Variants in SKP2 observed in about 807,000 individuals in gnomAD.
SKP2 encodes the protein S-phase kinase associated protein 2.
SKP2 carries 16 observed loss-of-function variants against 51.8 expected under a neutral mutation model. The observed-to-expected ratio is 0.31, with a 90% CI of 0.21 to 0.47. The LOEUF (loss-of-function observed/expected upper bound fraction) is 0.47. SKP2 is among the 20% of genes least tolerant of loss of function. The pLI is 1.00. For synonymous variants in SKP2, 176 were observed against 198.6 expected (o/e 0.89, Z 0.96); for missense variants, 377 against 505.3 (o/e 0.75, Z 2.43).
At chr5:36,180,576 T>C (rs1314797509) in intron 9 of SKP2, among the ~76,000 whole-genome samples, 2 of 151,952 alleles carry the variant, frequency 1.3e-5, no homozygotes, top group Non-Finnish European at 2.9e-5. Flanking sequence ...TTTAGGGGAG[T>C]AGTGGGAAGA....
chr5:36,190,268 A>T (rs893173041), intron 6 of SKP2, among the ~76,000 whole-genome samples: 1 of 151,876 alleles, frequency 6.6e-6, no homozygotes, highest in African/African-American at 2.4e-5. Flanking sequence ...CGAACCCGGT[A>T]CCCCAGTTGG....
At chr5:36,161,352 G>A (rs138091221) in intron 2 of SKP2, among the ~76,000 whole-genome samples, 1 of 151,252 alleles carries the variant, frequency 6.6e-6, no homozygotes, top group East Asian at 1.9e-4. Context: ...AGAGAGATGA[G>A]TAAGTAAATA....
chr5:36,182,406 CTT>C lies in SKP2; in HGVS notation c.*378_*379del. Reference sequence around the variant, plus strand: ...CAAACAATCTTCATAGCCCATATAACTTTTATCTATTTAATTTTATAGTATTG... The same window carrying C: ...CAAACAATCTTCATAGCCCATATAACTTATCTATTTAATTTTATAGTATTG... On this transcript the variant is annotated 3_prime_UTR_variant, in exon 10 of 10. Coordinates refer to ENST00000274255, the MANE Select transcript of SKP2 (RefSeq NM_005983.4). The C allele has an allele frequency of 9.9e-7, 1 of 1,009,540 alleles. No individual in the cohort carries two copies. Among genetic ancestry groups the C allele is most frequent in the Non-Finnish European group, 1.2e-6 (1 of 843,716 alleles). 62.5% of individuals were successfully genotyped at this position (1,009,540 alleles called of 1,614,324 possible). A position where few individuals can be genotyped will look rare whatever the true frequency, so the allele number is the denominator to read the frequency against.
Position 36,152,965 on chromosome 5 carries a change from A to G in SKP2, c.203A>G (p.Lys68Arg), listed in dbSNP as rs754343409. The G allele has an allele frequency of 1.2e-6, 2 of 1,614,148 alleles. No individual in the cohort carries two copies. The highest frequency in any genetic ancestry group is 1.3e-5 in the African/African-American group (1 of 75,042). ...GGCCACCCGGAGAGCCCCCCACGGAAACGGCTGAAGAGCAAAGGGAGTGAC... is the reference window on the plus strand; with the variant it reads ...GGCCACCCGGAGAGCCCCCCACGGAGACGGCTGAAGAGCAAAGGGAGTGAC... ...NLGHPESPPR[K>R]RLKSKGSDKD... The change falls in exon 2 of 10, where the codon AAA (lysine) becomes AGA (arginine). Residue 68 changes from lysine (K) to arginine (R), a missense_variant. Physicochemically the swap from Lys to Arg is conservative, Grantham distance 26. Coordinates refer to ENST00000274255, the MANE Select transcript of SKP2 (RefSeq NM_005983.4).
Position 36,184,034 on chromosome 5 carries a change from T to G in SKP2, c.*2003T>G. Reference sequence around the variant, plus strand: ...TAAAACACATTTTTATAAAAATGAGTGCTTAAACTAAGTTGTATTCCTTTT... The same window carrying G: ...TAAAACACATTTTTATAAAAATGAGGGCTTAAACTAAGTTGTATTCCTTTT... On this transcript the variant is annotated 3_prime_UTR_variant, in exon 10 of 10. Transcript: ENST00000274255. 9.0e-7 allele frequency: 1 copy of G among 1,110,394 alleles called. No homozygotes were observed. The highest frequency in any genetic ancestry group is 1.3e-6 in the Non-Finnish European group (1 of 750,616). 68.8% of individuals were successfully genotyped at this position (1,110,394 alleles called of 1,614,324 possible).
chr5:36,152,895 G>A lies in SKP2; in HGVS notation c.133G>A (p.Glu45Lys), dbSNP rs375084665. Residue 45 changes from glutamate to lysine, a missense_variant, in exon 2 of 10, where the codon GAG becomes AAG. By Grantham distance (56) the Glu-to-Lys change is moderately conservative. Coordinates refer to ENST00000274255, the MANE Select transcript of SKP2 (RefSeq NM_005983.4). The part of the protein sequence containing the change: ...GMGVSALEKE[E>K]PDSENIPQEL... Reference sequence around the variant, plus strand: ...GGGGGTCTCCGCCCTGGAGAAAGAGGAGCCCGACAGTGAGAACATCCCCCA... The same window carrying A: ...GGGGGTCTCCGCCCTGGAGAAAGAGAAGCCCGACAGTGAGAACATCCCCCA... The A allele has an allele frequency of 1.2e-6, 2 of 1,614,070 alleles. No homozygotes were observed. The highest frequency in any genetic ancestry group is 1.7e-6 in the Non-Finnish European group (2 of 1,180,012).
Position 36,152,975 on chromosome 5 carries a change from G to A in SKP2, c.213G>A (p.Lys71=), listed in dbSNP as rs924376236. ...HPESPPRKRL[K]SKGSDKDFVI... ...AGAGCCCCCCACGGAAACGGCTGAAGAGCAAAGGGAGTGACAAAGACTTTG... is the reference window on the plus strand; with the variant it reads ...AGAGCCCCCCACGGAAACGGCTGAAAAGCAAAGGGAGTGACAAAGACTTTG... The change falls in exon 2 of 10, where the codon AAG becomes AAA. Residue 71 remains lysine, a synonymous_variant. Transcript: ENST00000274255. 2 of 1,614,044 alleles carry A rather than the reference G, an allele frequency of 1.2e-6. No homozygotes were observed. Among genetic ancestry groups the A allele is most frequent in the African/African-American group, 1.3e-5 (1 of 74,912 alleles).
At chr5:36,192,963 A>G (rs1218760109) in intron 7 of SKP2, 1 of 152,232 alleles carries the variant, frequency 6.6e-6, no homozygotes, top group Non-Finnish European at 1.5e-5. Context: ...CTATGCTAAC[A>G]TTCCTTTGCC....
intron 2 of SKP2, among the ~76,000 whole-genome samples, chr5:36,161,733 C>T (rs980047719): frequency 1.1e-4 from 16 of 152,180 alleles, no homozygotes; most frequent in African/African-American, 2.2e-4. Flanking sequence ...TCACACTCCT[C>T]GGTGTTTTTC....
chr5:36,175,356 A>G (rs565799114), intron 7 of SKP2, among the ~76,000 whole-genome samples: 1 of 152,248 alleles, frequency 6.6e-6, no homozygotes, highest in South Asian at 2.1e-4. Context: ...TTAGAGGCCT[A>G]TCTCATATCC....
rs777916404 is a variant in SKP2, at chr5:36,177,442, T to G, written c.1061+150T>G. On this transcript the variant is annotated intron_variant, in intron 9 of 9. Coordinates refer to ENST00000274255, the MANE Select transcript of SKP2 (RefSeq NM_005983.4). ...GACTGGCTATGAAAGACCAGCAGAG[T>G]ATTGCTTAAACTGGTGAAATTGAGT... 5 of 723,372 alleles carry G rather than the reference T, an allele frequency of 6.9e-6. No individual in the cohort carries two copies. In the Admixed American group the frequency reaches 9.2e-5, roughly 13 times the overall value. The allele number at this position is 723,372 out of a possible 1,614,324, so 44.8% of individuals were successfully genotyped here.
chr5:36,190,683 C>CAAAAAAAAAAAAAAAA (rs70973094), intron 6 of SKP2, among the ~76,000 whole-genome samples: 26 of 81,184 alleles, frequency 3.2e-4, no homozygotes, highest in South Asian at 9.9e-4. Flanking sequence ...CAAACATATG[C>CAAAAAAAAAAAAAAAA]AAAAAAAAAA....
At chr5:36,170,525 T>G (rs1745437133) in intron 6 of SKP2, 83 bp downstream of exon 6, 5 of 781,856 alleles carry the variant, frequency 6.4e-6, no homozygotes, top group Non-Finnish European at 8.2e-6. Flanking sequence ...TGGGATGAAC[T>G]TTTTGAGCTT....
chr5:36,166,432 C>T, intron 3 of SKP2, 87 bp from the exon 4 acceptor site: 1 of 1,085,934 alleles, frequency 9.2e-7, no homozygotes, highest in Non-Finnish European at 1.4e-6. Flanking sequence ...GATTTAGCAG[C>T]AGTGTCCTAC....
In SKP2 at chr5:36,153,041, A is replaced by G. The variant is rs750195281; in HGVS notation, c.279A>G (p.Pro93=). 25 of 1,613,486 alleles carry G rather than the reference A, an allele frequency of 1.5e-5. No homozygotes were observed. Among genetic ancestry groups the G allele is most frequent in the Non-Finnish European group, 2.0e-5 (24 of 1,179,616 alleles). ...RRPKLNRENF[P]GVSWDSLPDE... ...CTAAGCTAAATCGAGAGAACTTTCC[A>G]GGTAAGGACATGAGGGTAAAAATGT... The change falls in exon 2 of 10, where the codon CCA becomes CCG. Residue 93 remains proline (P), a splice_region_variant and synonymous_variant. Transcript: ENST00000274255.
chr5:36,152,134 C>T lies in SKP2; in HGVS notation c.-129C>T, dbSNP rs554236545. The T allele has an allele frequency of 2.1e-6, 2 of 939,624 alleles. No individual in the cohort carries two copies. The highest frequency in any genetic ancestry group is 1.3e-5 in the South Asian group (1 of 74,318). The allele number at this position is 939,624 out of a possible 1,614,324, so 58.2% of individuals were successfully genotyped here. A position where few individuals can be genotyped will look rare whatever the true frequency, so the allele number is the denominator to read the frequency against. The stretch of plus-strand genomic sequence containing the variant: ...GCAGTGGGGATGGAACGTTGCTAGG[C>T]TTAGCGGGTCTGGCTGCTGGGGGCC... On this transcript the variant is annotated 5_prime_UTR_variant, in exon 1 of 10. Coordinates refer to ENST00000274255, the MANE Select transcript of SKP2 (RefSeq NM_005983.4).
chr5:36,185,592 G>C (rs1046130659), downstream of SKP2, among the ~76,000 whole-genome samples: 2 of 152,136 alleles, frequency 1.3e-5, no homozygotes, highest in Non-Finnish European at 2.9e-5. Flanking sequence ...TGAGGGCTCC[G>C]TTCTGTTCCA....
downstream of SKP2, among the ~76,000 whole-genome samples, chr5:36,185,629 A>G (rs1053669409): frequency 4.6e-5 from 7 of 152,178 alleles, no homozygotes; most frequent in Admixed American, 1.3e-4. Context: ...TTTTGGTACC[A>G]GTACCATGCT....
intron 7 of SKP2, among the ~76,000 whole-genome samples, chr5:36,174,600 A>T (rs1381395963): frequency 6.6e-6 from 1 of 152,156 alleles, no homozygotes; most frequent in East Asian, 1.9e-4. Context: ...TCTTATGAAG[A>T]TTACTTTCTA....
Sources: allele counts gnomAD v4.1 joint callset (sites outside exome capture counted in the v4.1 genomes callset), GRCh38; gene constraint gnomAD v4.1.1; transcripts MANE v1.5; gene names NCBI Gene and HGNC (gene_info 2026-07-23, HGNC 2026-07-21).